The following CDH13 variants were observed in gnomAD, a reference collection of about 807,000 sequenced individuals.
The protein encoded by CDH13 is cadherin-13.
A neutral mutation model predicts 63.8 loss-of-function variants in CDH13; 24 were observed. The ratio of observed to expected loss-of-function variants is 0.38; its 90% CI spans 0.27 to 0.53. The LOEUF is 0.53. Among genes scored for constraint, CDH13 ranks in the 20% least tolerant of loss-of-function variants. The probability of loss-of-function intolerance (pLI) is 0.85; values close to 1 mark genes in which losing one functional copy is unlikely to be tolerated. For missense variants in CDH13, 1,049 were observed against 903.1 expected (o/e 1.16, Z -2.07); for synonymous variants, 503 against 355.3 (o/e 1.42, Z -4.67).
chr16:83,435,079 G>C lies in CDH13; in HGVS notation c.782-51398G>C, dbSNP rs192115134. Among the ~76,000 whole-genome samples, 695 of 151,306 alleles carry C rather than the reference G, an allele frequency of 4.6e-3. 8 individuals carry two copies. The highest frequency in any genetic ancestry group is 0.016 in the African/African-American group (652 of 41,222). ...GAGATATCGAGAGAGTTTCGCTCCTGTTTTTCTCTCAGGCTGAAGTGCAAC... is the reference window on the plus strand; with the variant it reads ...GAGATATCGAGAGAGTTTCGCTCCTCTTTTTCTCTCAGGCTGAAGTGCAAC... On this transcript the variant is annotated intron_variant, in intron 6 of 13. Transcript: ENST00000567109.
rs535934538 is a variant in CDH13, at chr16:83,210,524, A to G, written c.484-6821A>G. On this transcript the variant is annotated intron_variant, in intron 4 of 13. Coordinates refer to ENST00000567109, the MANE Select transcript of CDH13 (RefSeq NM_001257.5). ...CTTAATATTCATTTACGTATTCATT[A>G]TGCAATGTTTATTTAAAAGCCCACC... Among the ~76,000 whole-genome samples, 4 of 152,072 alleles carry G rather than the reference A, an allele frequency of 2.6e-5. No individual in the cohort carries two copies. The East Asian group carries it at 7.7e-4, about 29-fold the overall frequency.
At chr16:83,675,241 G>T (rs1189504810) in intron 9 of CDH13, among the ~76,000 whole-genome samples, 1 of 152,168 alleles carries the variant, frequency 6.6e-6, no homozygotes, top group East Asian at 1.9e-4. Context: ...ACTCCGAGGG[G>T]ATTAGGAACA....
At chr16:83,718,273 G>A (rs74792037) in intron 10 of CDH13, among the ~76,000 whole-genome samples, 1,575 of 152,274 alleles carry the variant, frequency 0.01, 35 homozygotes, top group African/African-American at 0.036. Context: ...AAGTAATATC[G>A]TAGGCTGGGG....
At chr16:83,133,242 A>G (rs75295672) in intron 4 of CDH13, among the ~76,000 whole-genome samples, 3,459 of 152,316 alleles carry the variant, frequency 0.023, 127 homozygotes, top group African/African-American at 0.077. Context: ...TGAAAACGCA[A>G]TGTCCACACT....
At chr16:83,072,637 C>T (rs562670100) in intron 3 of CDH13, among the ~76,000 whole-genome samples, 36 of 152,222 alleles carry the variant, frequency 2.4e-4, no homozygotes, top group Admixed American at 2.2e-3. Context: ...CTTAGGTGTT[C>T]TGGGTCCCAT....
chr16:83,781,736 C>T (rs994628332), intron 12 of CDH13, among the ~76,000 whole-genome samples: 3 of 150,844 alleles, frequency 2.0e-5, no homozygotes, highest in Non-Finnish European at 2.9e-5. Flanking sequence ...CAGTTCTTTC[C>T]AATTGGAACT....
chr16:82,779,341 C>A (rs907009686), intron 1 of CDH13, among the ~76,000 whole-genome samples: 1 of 152,162 alleles, frequency 6.6e-6, no homozygotes. Context: ...TGCCACTTCA[C>A]AGAACTATCC....
At chr16:83,256,428 G>T (rs1906266975) in intron 5 of CDH13, among the ~76,000 whole-genome samples, 1 of 152,064 alleles carries the variant, frequency 6.6e-6, no homozygotes, top group African/African-American at 2.4e-5. Flanking sequence ...AGTATTGTCA[G>T]CTCAGAGTTC....
chr16:82,848,381 G>C (rs549507515), intron 1 of CDH13, among the ~76,000 whole-genome samples: 9 of 152,288 alleles, frequency 5.9e-5, no homozygotes, highest in African/African-American at 2.2e-4. Context: ...CCAATTTGTA[G>C]GATCAGCTTT....
chr16:83,235,641 A>G (rs1011521696), intron 5 of CDH13, among the ~76,000 whole-genome samples: 1 of 151,190 alleles, frequency 6.6e-6, no homozygotes, highest in African/African-American at 2.4e-5. Flanking sequence ...CCTGAGGGAA[A>G]ACTAATTCCA....
intron 1 of CDH13, among the ~76,000 whole-genome samples, chr16:82,651,372 C>T (rs1464942518): frequency 2.0e-5 from 3 of 152,286 alleles, no homozygotes; most frequent in African/African-American, 4.8e-5. Flanking sequence ...TTGATCTTCA[C>T]CCAACCATCA....
chr16:83,743,493 A>T (rs1017331291), intron 10 of CDH13, among the ~76,000 whole-genome samples: 1 of 152,210 alleles, frequency 6.6e-6, no homozygotes, highest in Non-Finnish European at 1.5e-5. Flanking sequence ...TGCTAATTGT[A>T]CAACAAAATT....
chr16:83,158,579 G>C (rs1192583558), intron 4 of CDH13, among the ~76,000 whole-genome samples: 1 of 152,196 alleles, frequency 6.6e-6, no homozygotes, highest in Non-Finnish European at 1.5e-5. Flanking sequence ...CGGGCGCACT[G>C]TTCAGAAAGT....
chr16:83,277,732 C>T (rs769135531), intron 5 of CDH13, among the ~76,000 whole-genome samples: 32 of 152,130 alleles, frequency 2.1e-4, no homozygotes, highest in Admixed American at 5.2e-4. Flanking sequence ...AATAGCCACT[C>T]TTTCTACTAT....
intron 2 of CDH13, among the ~76,000 whole-genome samples, chr16:82,968,514 G>A (rs548462176): frequency 6.6e-6 from 1 of 152,274 alleles, no homozygotes; most frequent in East Asian, 1.9e-4. Flanking sequence ...CATAAGGGAG[G>A]TAAACTGAAA....
chr16:83,607,924 A>C (rs1478329481), intron 8 of CDH13, among the ~76,000 whole-genome samples: 1 of 152,204 alleles, frequency 6.6e-6, no homozygotes, highest in Non-Finnish European at 1.5e-5. Flanking sequence ...TATTAAAAAA[A>C]AGATTTCTGA....
intron 6 of CDH13, among the ~76,000 whole-genome samples, chr16:83,379,938 T>TATATATATATAG: frequency 3.2e-5 from 4 of 123,458 alleles, no homozygotes; most frequent in African/African-American, 1.3e-4. Flanking sequence ...TATATATATA[T>TATATATATATAG]AGAGAGAGAG....
chr16:83,515,651 T>C (rs2074683213), intron 7 of CDH13, among the ~76,000 whole-genome samples: 1 of 152,346 alleles, frequency 6.6e-6, no homozygotes, highest in Admixed American at 6.5e-5. Context: ...AATTTCTAGA[T>C]GTCACAACAG....
chr16:83,378,350 A>G (rs892206799), intron 6 of CDH13, among the ~76,000 whole-genome samples: 1 of 152,192 alleles, frequency 6.6e-6, no homozygotes, highest in Non-Finnish European at 1.5e-5. Context: ...TTCAGCGGAG[A>G]GGGACTTCTT....
Sources: gnomAD v4.1 joint callset for allele counts (sites outside exome capture counted in the v4.1 genomes callset) on GRCh38, gnomAD v4.1.1 for gene constraint, MANE v1.5 for transcripts, NCBI Gene and HGNC (gene_info 2026-07-23, HGNC 2026-07-21) for gene names.